Variants in CFAP44 observed in about 807,000 individuals in gnomAD.
The protein encoded by CFAP44 is cilia- and flagella-associated protein 44.
Under a neutral mutation model 216.2 loss-of-function variants are expected in CFAP44, and 134 were observed. That is an observed-to-expected ratio of 0.62 (90% CI 0.54 to 0.72). The LOEUF (loss-of-function observed/expected upper bound fraction) is 0.72. Among genes scored for constraint, CFAP44 ranks in the 30% least tolerant of loss-of-function variants. The pLI, the probability that CFAP44 is intolerant of heterozygous loss-of-function variation, is 0.00. For synonymous variants in CFAP44, 700 were observed against 727.6 expected, an observed-to-expected ratio of 0.96 and a Z score of 0.61; for missense variants, 2,035 against 2,182.1, an observed-to-expected ratio of 0.93 and a Z score of 1.34.
intron 28 of CFAP44, among the ~76,000 whole-genome samples, chr3:113,310,796 G>C (rs1233876314): frequency 6.6e-6 from 1 of 152,100 alleles, no homozygotes; most frequent in Non-Finnish European, 1.5e-5. Context: ...CATGAGAGCT[G>C]GTTGTTTTAA....
Position 113,296,765 on chromosome 3 carries a change from C to A in CFAP44, c.5198G>T (p.Arg1733Leu), listed in dbSNP as rs189524927. 6.5e-7 allele frequency: 1 copy of A among 1,537,808 alleles called. No homozygotes were observed. The highest frequency in any genetic ancestry group is 2.0e-5 in the Admixed American group (1 of 51,004). The stretch of plus-strand genomic sequence containing the variant: ...CTCTTTCGCATTTGCTAGCTCCTTT[C>A]GAAGTTTTCTGATCTTCAGTTCTTC... ...TLEELKIRKLRKELANAKEMK... is the reference protein window; with the variant it reads ...TLEELKIRKLLKELANAKEMK... The change falls in exon 33 of 35, where the codon CGA (arginine) becomes CTA (leucine). Residue 1733 changes from arginine to leucine, a missense_variant. By Grantham distance (102) the Arg-to-Leu change is moderately radical. This residue lies in a region of CFAP44 where 1,883 missense variants were observed against 2,023.7 expected (regional missense o/e 0.93). Coordinates refer to ENST00000393845, the MANE Select transcript of CFAP44 (RefSeq NM_001164496.2).
intron 17 of CFAP44, 113 bp downstream of exon 17, chr3:113,379,193 A>C (rs1933437126): frequency 1.2e-6 from 1 of 866,010 alleles, no homozygotes; most frequent in African/African-American, 1.7e-5. Flanking sequence ...AATCTAAAAA[A>C]AAATAAATAG....
rs764995192 is a variant in CFAP44 at position 113,294,678 on chromosome 3, A to C, written c.5373+9T>G. 1.2e-5 allele frequency: 18 copies of C among 1,512,936 alleles called. No homozygotes were observed. The highest frequency in any genetic ancestry group is 1.6e-5 in the Non-Finnish European group (18 of 1,139,542). The allele number at this position is 1,512,936 out of a possible 1,614,324, so 93.7% of individuals were successfully genotyped here. A position where few individuals can be genotyped will look rare whatever the true frequency, so the allele number is the denominator to read the frequency against. On this transcript the variant is annotated intron_variant, in intron 34 of 34. Transcript: ENST00000393845. ...ATTCCGAAAAAGGGTCTGAAGGTAA[A>C]GAACATACCTGCTGATTCTGTAGTG...
chr3:113,326,314 A>AT (rs1325904610), intron 28 of CFAP44, 131 bp downstream of exon 28: 1 of 768,802 alleles, frequency 1.3e-6, no homozygotes, highest in Non-Finnish European at 1.9e-6. Context: ...TCTCCTCTTT[A>AT]GCCCCCACAG....
chr3:113,355,766 T>C (rs1395178995), intron 22 of CFAP44, among the ~76,000 whole-genome samples: 1 of 148,168 alleles, frequency 6.7e-6, no homozygotes, highest in South Asian at 2.1e-4. Context: ...GAATTTAAAG[T>C]ATTAAAAAAA....
In CFAP44 at chr3:113,364,285, C is replaced by T. The variant is rs377766656; in HGVS notation, c.2716-753G>A. The stretch of plus-strand genomic sequence containing the variant: ...CATAAATAAAACTAAACTTTATTCC[C>T]TATTCTCTTTCACAGAAGATAGGTC... On this transcript the variant is annotated intron_variant, in intron 19 of 34. Transcript: ENST00000393845. 1.6e-4 allele frequency among the ~76,000 whole-genome samples: 25 copies of T among 152,226 alleles called. No individual in the cohort carries two copies. In the East Asian group the frequency reaches 2.7e-3, roughly 16 times the overall value.
chr3:113,325,161 G>T (rs1033348939), intron 28 of CFAP44, among the ~76,000 whole-genome samples: 2 of 151,704 alleles, frequency 1.3e-5, no homozygotes, highest in Non-Finnish European at 2.9e-5. Flanking sequence ...AATTAGCCAG[G>T]CGTGGTGGTG....
chr3:113,353,876 G>A (rs1447236935), intron 22 of CFAP44, among the ~76,000 whole-genome samples: 1 of 152,148 alleles, frequency 6.6e-6, no homozygotes, highest in Non-Finnish European at 1.5e-5. Flanking sequence ...GAGTCTATCT[G>A]AGGCTGGGAA....
In CFAP44 at chr3:113,387,045, G is replaced by C. The variant is rs372289908; in HGVS notation, c.1891-5985C>G. 1.6e-4 allele frequency among the ~76,000 whole-genome samples: 25 copies of C among 152,266 alleles called. No individual in the cohort carries two copies. In the East Asian group the frequency reaches 2.7e-3, roughly 16 times the overall value. ...GCCCAGTAGTCAGAACCTGAGTTCTGGTAAGCCTCACCACCATAGCCTAAA... is the reference window on the plus strand; with the variant it reads ...GCCCAGTAGTCAGAACCTGAGTTCTCGTAAGCCTCACCACCATAGCCTAAA... On this transcript the variant is annotated intron_variant, in intron 15 of 34. Transcript: ENST00000393845.
intron 1 of CFAP44, among the ~76,000 whole-genome samples, chr3:113,437,192 T>TC (rs145769724): frequency 0.039 from 5,868 of 152,266 alleles, 167 homozygotes; most frequent in African/African-American, 0.07. Context: ...TGGGTCAAGT[T>TC]CACCTAGTGA....
intron 32 of CFAP44, among the ~76,000 whole-genome samples, chr3:113,297,769 G>A (rs995870892): frequency 6.6e-6 from 1 of 152,168 alleles, no homozygotes; most frequent in African/African-American, 2.4e-5. Flanking sequence ...ACATAATCTT[G>A]TAACAGGACT....
chr3:113,357,696 C>G (rs1300902041), intron 22 of CFAP44, among the ~76,000 whole-genome samples: 6 of 152,170 alleles, frequency 3.9e-5, no homozygotes, highest in African/African-American at 1.4e-4. Flanking sequence ...GACACTAACA[C>G]AGTGGGGATC....
At chr3:113,372,324 C>T (rs141491751) in intron 18 of CFAP44, among the ~76,000 whole-genome samples, 2,312 of 152,254 alleles carry the variant, frequency 0.015, 61 homozygotes, top group African/African-American at 0.052. Flanking sequence ...GACTTGGAAC[C>T]AACCCAAATG....
chr3:113,424,271 A>C (rs1402064371), intron 4 of CFAP44, among the ~76,000 whole-genome samples: 1 of 152,136 alleles, frequency 6.6e-6, no homozygotes, highest in African/African-American at 2.4e-5. Context: ...CCCAATCTCT[A>C]CTAAAAATAC....
chr3:113,409,485 T>C (rs1286120502), intron 6 of CFAP44, among the ~76,000 whole-genome samples, 163 bp from the exon 7 acceptor site: 1 of 152,244 alleles, frequency 6.6e-6, no homozygotes, highest in Non-Finnish European at 1.5e-5. Context: ...GGCTTTAGAA[T>C]GAATTATGTT....
At chr3:113,334,318 T>C (rs1308939687) in intron 24 of CFAP44, among the ~76,000 whole-genome samples, 1 of 152,182 alleles carries the variant, frequency 6.6e-6, no homozygotes, top group African/African-American at 2.4e-5. Flanking sequence ...TTTAAGATGA[T>C]AGCATGAGCA....
rs368885257 is a variant in CFAP44, at chr3:113,346,116, G to A, written c.3066-1404C>T. 3.5e-4 allele frequency among the ~76,000 whole-genome samples: 53 copies of A among 152,306 alleles called. No homozygotes were observed. In the South Asian group the frequency reaches 7.1e-3, roughly 20 times the overall value. ...TTGTAAACACACCAATCAGTGCTCC[G>A]TGTCTAGCTAAAGGATTGTAAATGC... On this transcript the variant is annotated intron_variant, in intron 22 of 34. Transcript: ENST00000393845.
intron 28 of CFAP44, among the ~76,000 whole-genome samples, chr3:113,321,221 G>A (rs1204967756): frequency 6.6e-6 from 1 of 152,146 alleles, no homozygotes; most frequent in Non-Finnish European, 1.5e-5. Flanking sequence ...TTCAACATAC[G>A]TAAATCAGTA....
At chr3:113,373,625 T>C (rs1933244478) in intron 17 of CFAP44, 69 bp from the exon 18 acceptor site, 1 of 1,307,540 alleles carries the variant, frequency 7.6e-7, no homozygotes, top group East Asian at 2.8e-5. Context: ...TGAGAATTTT[T>C]TGATTATTTC....
Sources: allele counts gnomAD v4.1 joint callset (sites outside exome capture counted in the v4.1 genomes callset), GRCh38; gene constraint gnomAD v4.1.1; regional missense constraint gnomAD v4.1.1; transcripts MANE v1.5; gene names NCBI Gene and HGNC (gene_info 2026-07-23, HGNC 2026-07-21).